PGM2L1: variants seen among roughly 807,000 people sequenced by gnomAD.
The protein encoded by PGM2L1 is phosphoglucomutase 2 like 1.
A neutral mutation model predicts 73.4 loss-of-function variants in PGM2L1; 35 were observed. The ratio of observed to expected loss-of-function variants is 0.48; its 90% CI spans 0.36 to 0.63. PGM2L1 has a LOEUF of 0.63. PGM2L1 is among the 30% of genes least tolerant of loss of function. The pLI, the probability that PGM2L1 is intolerant of heterozygous loss-of-function variation, is 0.00. For synonymous variants in PGM2L1, 225 were observed against 253.8 expected (o/e 0.89, Z 1.08); for missense variants, 570 against 742.0 (o/e 0.77, Z 2.69).
At chr11:74,388,687 T>C (rs1438881052) in intron 1 of PGM2L1, among the ~76,000 whole-genome samples, 1 of 152,236 alleles carries the variant, frequency 6.6e-6, no homozygotes, top group Non-Finnish European at 1.5e-5. Context: ...TCATACTCTT[T>C]AAGGCATTAA....
chr11:74,339,091 C>T (rs1862143025), intron 12 of PGM2L1, among the ~76,000 whole-genome samples: 1 of 152,120 alleles, frequency 6.6e-6, no homozygotes, highest in African/African-American at 2.4e-5. Flanking sequence ...GTGTTACCGC[C>T]ATTTTACAGA....
chr11:74,382,131 G>A (rs948603715), intron 1 of PGM2L1, among the ~76,000 whole-genome samples: 1 of 152,120 alleles, frequency 6.6e-6, no homozygotes, highest in East Asian at 1.9e-4. Flanking sequence ...GAATGAGAGT[G>A]TATTTATTGT....
chr11:74,350,886 GGAAA>G (rs888988837), intron 6 of PGM2L1, among the ~76,000 whole-genome samples: 13 of 136,472 alleles, frequency 9.5e-5, no homozygotes, highest in East Asian at 4.3e-4. Flanking sequence ...TCAAAAAAAA[GGAAA>G]GAAAGAAAGA....
At chr11:74,341,879 G>A (rs748838037) in intron 12 of PGM2L1, among the ~76,000 whole-genome samples, 15 of 152,058 alleles carry the variant, frequency 9.9e-5, no homozygotes, top group African/African-American at 2.9e-4. Flanking sequence ...TGAGGAGTTC[G>A]TGGAACCAAG....
Position 74,336,619 on chromosome 11 carries a change from G to T in PGM2L1, c.*33C>A. On this transcript the variant is annotated 3_prime_UTR_variant, in exon 14 of 14. Transcript: ENST00000298198. ...AGTTCTCGGTTGCTCTGTTCCATAT[G>T]CCCACACAGTGTCATGACATATTGG... is the stretch of plus-strand genomic sequence containing the variant. 1 of 1,461,656 alleles carries T rather than the reference G, an allele frequency of 6.8e-7. No homozygotes were observed. The highest frequency in any genetic ancestry group is 9.4e-7 in the Non-Finnish European group (1 of 1,058,614). The allele number at this position is 1,461,656 out of a possible 1,614,324, so 90.5% of individuals were successfully genotyped here.
intron 5 of PGM2L1, among the ~76,000 whole-genome samples, chr11:74,359,434 TAC>T (rs151044240): frequency 4.6e-5 from 7 of 151,078 alleles, no homozygotes; most frequent in Admixed American, 6.6e-5. Flanking sequence ...TATATACACA[TAC>T]ACACACACAC....
In PGM2L1 at chr11:74,374,545, C is replaced by T. The variant is rs750666257; in HGVS notation, c.149G>A (p.Arg50Gln). The T allele has an allele frequency of 1.4e-5, 22 of 1,613,914 alleles. No homozygotes were observed. The highest frequency in any genetic ancestry group is 1.2e-4 in the South Asian group (11 of 91,088). Residue 50 changes from arginine to glutamine, a missense_variant, in exon 2 of 14, where the codon CGG becomes CAG. Arg to Gln is a conservative substitution (Grantham distance 43). Coordinates refer to ENST00000298198, the MANE Select transcript of PGM2L1 (RefSeq NM_173582.6). ...KTKEQIENLLRNGMNKELRDR... is the reference protein window; with the variant it reads ...KTKEQIENLLQNGMNKELRDR... ...TCGCAGCTCCTTGTTCATCCCATTCCGTAACAGGTTTTCAATCTGCTCTTT... is the reference window on the plus strand; with the variant it reads ...TCGCAGCTCCTTGTTCATCCCATTCTGTAACAGGTTTTCAATCTGCTCTTT...
chr11:74,380,425 T>C (rs1862923751), intron 1 of PGM2L1, among the ~76,000 whole-genome samples: 1 of 152,110 alleles, frequency 6.6e-6, no homozygotes, highest in Admixed American at 6.5e-5. Context: ...CTTTAAAAAA[T>C]TGGTAGAAAT....
At chr11:74,358,956 A>G (rs1391860686) in intron 5 of PGM2L1, among the ~76,000 whole-genome samples, 1 of 152,206 alleles carries the variant, frequency 6.6e-6, no homozygotes. Flanking sequence ...ATAGATCAGC[A>G]GTGCCCAAAA....
At chr11:74,347,416 T>C (rs1164830131) in intron 6 of PGM2L1, 79 bp from the exon 7 acceptor site, 3 of 1,197,688 alleles carry the variant, frequency 2.5e-6, no homozygotes, top group Non-Finnish European at 3.4e-6. Context: ...CAAATTCTGA[T>C]TTGAAAATGT....
intron 1 of PGM2L1, among the ~76,000 whole-genome samples, chr11:74,375,151 C>G (rs185755070): frequency 2.6e-5 from 4 of 152,238 alleles, no homozygotes; most frequent in Non-Finnish European, 5.9e-5. Context: ...TCACAGAAAA[C>G]GATTCAATTT....
intron 5 of PGM2L1, 125 bp from the exon 6 acceptor site, chr11:74,351,701 G>A (rs1008361993): frequency 7.6e-6 from 6 of 792,616 alleles, no homozygotes; most frequent in Non-Finnish European, 1.1e-5. Flanking sequence ...GGTGGCTCAC[G>A]CCTGTAATCT....
At position 74,332,562 on chromosome 11, in the gene PGM2L1, A is replaced by G. The variant is rs1862030987; in HGVS notation, c.*4090T>C. Reference sequence around the variant, plus strand: ...AACAAAATGTGCAAGGGTGCCTAGGAAAAGTGGGAGGTAGAGAGAAAAAGG... The same window carrying G: ...AACAAAATGTGCAAGGGTGCCTAGGGAAAGTGGGAGGTAGAGAGAAAAAGG... On this transcript the variant is annotated 3_prime_UTR_variant, in exon 14 of 14. Transcript: ENST00000298198. 6.6e-6 allele frequency: 1 copy of G among 152,640 alleles called. No individual in the cohort carries two copies. The highest frequency in any genetic ancestry group is 1.5e-5 in the Non-Finnish European group (1 of 68,032). The allele number at this position is 152,640 out of a possible 1,614,324, so 9.5% of individuals were successfully genotyped here.
At chr11:74,384,224 C>G (rs1040728149) in intron 1 of PGM2L1, among the ~76,000 whole-genome samples, 1 of 152,026 alleles carries the variant, frequency 6.6e-6, no homozygotes, top group African/African-American at 2.4e-5. Context: ...TGATTCCTCT[C>G]TAAAGTGTTG....
At position 74,338,463 on chromosome 11, in the gene PGM2L1, C is replaced by A. The variant is rs946520539; in HGVS notation, c.1766+5G>T. 26 of 1,538,936 alleles carry A rather than the reference C, an allele frequency of 1.7e-5. No individual in the cohort carries two copies. Among genetic ancestry groups the A allele is most frequent in the Non-Finnish European group, 2.3e-5 (26 of 1,129,604 alleles). ...TATGTATATCTTAAAAAAATCAATT[C>A]TTACCTCTGGTCAGGTGACGCACAC... is the stretch of plus-strand genomic sequence containing the variant. On this transcript the variant is annotated splice_donor_5th_base_variant and intron_variant, in intron 13 of 13. Transcript: ENST00000298198.
chr11:74,362,735 G>A (rs1016709046), intron 5 of PGM2L1, among the ~76,000 whole-genome samples: 4 of 151,488 alleles, frequency 2.6e-5, no homozygotes, highest in Non-Finnish European at 4.4e-5. Context: ...AAAGGCAGGG[G>A]TTGCAATCCT....
intron 1 of PGM2L1, among the ~76,000 whole-genome samples, chr11:74,390,911 T>C (rs1281484131): frequency 6.6e-6 from 1 of 152,128 alleles, no homozygotes; most frequent in Admixed American, 6.5e-5. Flanking sequence ...GTCAAATTCA[T>C]AGAAACAGAA....
At chr11:74,387,129 G>T (rs1380508697) in intron 1 of PGM2L1, among the ~76,000 whole-genome samples, 1 of 151,968 alleles carries the variant, frequency 6.6e-6, no homozygotes, top group East Asian at 2.0e-4. Flanking sequence ...ACATTTCTAT[G>T]AGAGTTTCCA....
At chr11:74,390,412 G>C (rs1319883284) in intron 1 of PGM2L1, among the ~76,000 whole-genome samples, 1 of 152,066 alleles carries the variant, frequency 6.6e-6, no homozygotes, top group Non-Finnish European at 1.5e-5. Context: ...TCTTTTTGTG[G>C]CTTGACAGCT....
Sources: allele counts gnomAD v4.1 joint callset (sites outside exome capture counted in the v4.1 genomes callset), GRCh38; gene constraint gnomAD v4.1.1; transcripts MANE v1.5; gene names NCBI Gene and HGNC (gene_info 2026-07-23, HGNC 2026-07-21).